RNF150: variants seen among roughly 807,000 people sequenced by gnomAD.
RNF150 encodes ring finger protein 150.
Under a neutral mutation model 39.3 loss-of-function variants are expected in RNF150, and 24 were observed. The observed-to-expected ratio is 0.61, with a 90% confidence interval of 0.44 to 0.86. The LOEUF (loss-of-function observed/expected upper bound fraction) is 0.86. Ranked by LOEUF, RNF150 falls within the 40% of genes least tolerant of loss-of-function variation. The pLI is 0.00. For synonymous variants in RNF150, 255 were observed against 227.3 expected (o/e 1.12, Z -1.10); for missense variants, 502 against 587.8 (o/e 0.85, Z 1.51).
At chr4:140,898,104 A>T (rs1457770791) in intron 6 of RNF150, among the ~76,000 whole-genome samples, 1 of 152,174 alleles carries the variant, frequency 6.6e-6, no homozygotes, top group African/African-American at 2.4e-5. Context: ...ACCACTCAGT[A>T]TGGATGGACA....
chr4:140,914,235 C>T (rs1730727413), intron 5 of RNF150, among the ~76,000 whole-genome samples: 1 of 152,092 alleles, frequency 6.6e-6, no homozygotes, highest in Admixed American at 6.5e-5. Flanking sequence ...GTAGCAAGCA[C>T]AAATAATTTG....
intron 1 of RNF150, among the ~76,000 whole-genome samples, chr4:141,020,722 G>C (rs547618073): frequency 1.3e-5 from 2 of 152,132 alleles, no homozygotes; most frequent in African/African-American, 4.8e-5. Flanking sequence ...TTACAGTCAG[G>C]CTGATGCTAG....
intron 1 of RNF150, among the ~76,000 whole-genome samples, chr4:141,202,896 G>T (rs921189726): frequency 6.6e-6 from 1 of 151,710 alleles, no homozygotes; most frequent in Admixed American, 6.6e-5. Flanking sequence ...TTGCTATAAA[G>T]AATAGAGTGG....
At chr4:140,915,733 C>T (rs1020438554) in intron 5 of RNF150, among the ~76,000 whole-genome samples, 15 of 152,284 alleles carry the variant, frequency 9.9e-5, no homozygotes, top group East Asian at 3.9e-4. Context: ...GATCTGAGAA[C>T]GGGCAGACTG....
intron 2 of RNF150, among the ~76,000 whole-genome samples, chr4:140,960,140 T>A (rs1223286170): frequency 6.6e-6 from 1 of 152,172 alleles, no homozygotes; most frequent in Non-Finnish European, 1.5e-5. Context: ...CTCTTCTTTT[T>A]CCATCTTTCC....
intron 1 of RNF150, among the ~76,000 whole-genome samples, chr4:141,062,042 C>T (rs953728051): frequency 6.6e-6 from 1 of 152,032 alleles, no homozygotes; most frequent in African/African-American, 2.4e-5. Flanking sequence ...TCCCAAACAA[C>T]TTGTAACTGA....
chr4:140,869,367 C>G (rs553789763), intron 6 of RNF150, among the ~76,000 whole-genome samples: 1 of 152,288 alleles, frequency 6.6e-6, no homozygotes, highest in South Asian at 2.1e-4. Context: ...CGAGAGTCAT[C>G]TCTAGTGTTG....
At chr4:140,982,765 T>A (rs1339829671) in intron 1 of RNF150, among the ~76,000 whole-genome samples, 1 of 152,126 alleles carries the variant, frequency 6.6e-6, no homozygotes, top group African/African-American at 2.4e-5. Context: ...GACACATGCC[T>A]TTGCTTATCA....
chr4:141,008,920 G>T (rs1734966730), intron 1 of RNF150, among the ~76,000 whole-genome samples: 1 of 151,982 alleles, frequency 6.6e-6, no homozygotes, highest in Admixed American at 6.6e-5. Flanking sequence ...TTTAACATTA[G>T]ATTATCAATT....
chr4:141,000,066 A>G (rs1420284592), intron 1 of RNF150, among the ~76,000 whole-genome samples: 1,058 of 91,672 alleles, frequency 0.012, 75 homozygotes, highest in South Asian at 0.014. Context: ...GAAGAAGAAG[A>G]AGAAGAAGAA....
rs61543533 is a variant in RNF150 at position 141,027,926 on chromosome 4, GTTTTTTTTTTTTTT to G, written c.485-60067_485-60054del. On this transcript the variant is annotated intron_variant, in intron 1 of 6. Coordinates refer to ENST00000515673, the MANE Select transcript of RNF150 (RefSeq NM_020724.2). ...GCTTGGAATTTGTTTTTTTTTTTTT[GTTTTTTTTTTTTTT>G]TTTTTTTTTTTTCAATCCTGCTGGA... 4.3e-5 allele frequency among the ~76,000 whole-genome samples: 3 copies of G among 69,126 alleles called. 1 individual carries two copies. Among genetic ancestry groups the G allele is most frequent in the African/African-American group, 1.6e-4 (3 of 18,424 alleles). 45.3% of individuals were successfully genotyped at this position (69,126 alleles called of 152,430 possible).
chr4:140,988,081 T>C (rs1734070831), intron 1 of RNF150, among the ~76,000 whole-genome samples: 1 of 152,082 alleles, frequency 6.6e-6, no homozygotes, highest in African/African-American at 2.4e-5. Flanking sequence ...ACAATGGCTG[T>C]GATTAAAAAG....
chr4:141,058,174 A>G (rs1737065628), intron 1 of RNF150, among the ~76,000 whole-genome samples: 1 of 152,198 alleles, frequency 6.6e-6, no homozygotes, highest in Non-Finnish European at 1.5e-5. Flanking sequence ...GAATTGTGTT[A>G]TTAAAGTAAA....
intron 4 of RNF150, among the ~76,000 whole-genome samples, chr4:140,937,540 C>T (rs565426908): frequency 7.2e-5 from 11 of 152,182 alleles, no homozygotes; most frequent in South Asian, 4.1e-4. Context: ...GGATTTCAGG[C>T]GTGAGCCACC....
chr4:140,879,110 T>G (rs921536988), intron 6 of RNF150, among the ~76,000 whole-genome samples: 1 of 152,238 alleles, frequency 6.6e-6, no homozygotes, highest in Non-Finnish European at 1.5e-5. Flanking sequence ...ATGTCTGTCT[T>G]TATGCCAGTA....
intron 1 of RNF150, among the ~76,000 whole-genome samples, chr4:141,071,274 C>G (rs1011790640): frequency 6.7e-6 from 1 of 148,236 alleles, no homozygotes; most frequent in African/African-American, 2.5e-5. Context: ...GGAGATATAC[C>G]TAATGCTAGA....
At chr4:140,910,436 T>C (rs1730548532) in intron 6 of RNF150, among the ~76,000 whole-genome samples, 1 of 152,208 alleles carries the variant, frequency 6.6e-6, no homozygotes, top group Non-Finnish European at 1.5e-5. Context: ...TACTTCTATC[T>C]TGATGCTAAT....
chr4:140,899,926 T>C (rs1476034977), intron 6 of RNF150, among the ~76,000 whole-genome samples: 1 of 116,126 alleles, frequency 8.6e-6, no homozygotes, highest in African/African-American at 3.1e-5. Flanking sequence ...GGTATCCTAG[T>C]AGGTTCTCTC....
intron 1 of RNF150, among the ~76,000 whole-genome samples, chr4:141,171,978 CTT>C (rs1331994503): frequency 6.6e-6 from 1 of 152,272 alleles, no homozygotes; most frequent in East Asian, 1.9e-4. Context: ...TTTATATGCT[CTT>C]TTATAATACC....
Sources: gnomAD v4.1 joint callset for allele counts (sites outside exome capture counted in the v4.1 genomes callset) on GRCh38, gnomAD v4.1.1 for gene constraint, MANE v1.5 for transcripts, NCBI Gene and HGNC (gene_info 2026-07-23, HGNC 2026-07-21) for gene names.